Variants in QRSL1 observed in about 807,000 individuals in gnomAD.
QRSL1 encodes glutaminyl-tRNA amidotransferase subunit QRSL1.
In QRSL1, 54 loss-of-function variants were observed where a neutral mutation model predicts 61.6. That is an observed-to-expected ratio of 0.88 (90% CI 0.70 to 1.10). QRSL1 has a LOEUF of 1.10. QRSL1 is among the 50% of genes least tolerant of loss of function. The pLI is 0.00. For missense variants in QRSL1, 505 were observed against 622.6 expected, an observed-to-expected ratio of 0.81 and a Z score of 2.01; for synonymous variants, 228 against 225.7, an observed-to-expected ratio of 1.01 and a Z score of -0.09.
chr6:106,633,365 AG>A (rs1235081147), intron 1 of QRSL1, among the ~76,000 whole-genome samples: 1 of 152,222 alleles, frequency 6.6e-6, no homozygotes, highest in Non-Finnish European at 1.5e-5. Context: ...ATGCCTGGGA[AG>A]GTTGAACAAT....
chr6:106,643,324 G>A (rs9400040), intron 4 of QRSL1, among the ~76,000 whole-genome samples: 80,076 of 151,960 alleles, frequency 0.53, 21,568 homozygotes, highest in Non-Finnish European at 0.57. Flanking sequence ...CCATCCCTAT[G>A]TCTTCATCAG....
At chr6:106,657,663 A>G (rs1282617376) in intron 9 of QRSL1, among the ~76,000 whole-genome samples, 3 of 152,208 alleles carry the variant, frequency 2.0e-5, no homozygotes, top group African/African-American at 7.2e-5. Flanking sequence ...GGGATTCGGA[A>G]TACTTTTTTT....
chr6:106,656,685 C>A (rs1777277091), intron 9 of QRSL1, among the ~76,000 whole-genome samples: 1 of 152,212 alleles, frequency 6.6e-6, no homozygotes, highest in Non-Finnish European at 1.5e-5. Flanking sequence ...GAGACAGGGT[C>A]TCACTCTGTC....
rs1011153775 is a variant in QRSL1 at position 106,667,381 on chromosome 6, A to T, written c.*1379A>T. Reference sequence around the variant, plus strand: ...TATTTGACAAAATCTAATGGAAACCATCCATTTACTCATGATAAGGCTTCA... The same window carrying T: ...TATTTGACAAAATCTAATGGAAACCTTCCATTTACTCATGATAAGGCTTCA... On this transcript the variant is annotated 3_prime_UTR_variant, in exon 11 of 11. Transcript: ENST00000369046. 6 of 152,212 alleles carry T rather than the reference A, an allele frequency of 3.9e-5. No individual in the cohort carries two copies. Among genetic ancestry groups the T allele is most frequent in the Admixed American group, 1.3e-4 (2 of 15,286 alleles). The allele number at this position is 152,212 out of a possible 1,614,324, so 9.4% of individuals were successfully genotyped here.
chr6:106,647,141 A>T (rs1360046670), intron 4 of QRSL1, among the ~76,000 whole-genome samples: 1 of 152,112 alleles, frequency 6.6e-6, no homozygotes, highest in African/African-American at 2.4e-5. Flanking sequence ...GACTGAGAGA[A>T]AAATATTTGC....
chr6:106,637,238 T>C (rs930580068), intron 1 of QRSL1, among the ~76,000 whole-genome samples: 1 of 152,124 alleles, frequency 6.6e-6, no homozygotes, highest in Non-Finnish European at 1.5e-5. Context: ...AGTTGACATT[T>C]TGGAGATCAA....
chr6:106,643,091 G>T lies in QRSL1; in HGVS notation c.380+1G>T. 4.4e-6 allele frequency: 7 copies of T among 1,582,006 alleles called. No individual in the cohort carries two copies. The highest frequency in any genetic ancestry group is 4.3e-6 in the Non-Finnish European group (5 of 1,157,104). ...CAAATTTAGATGAGTTTGCTATGGG[G>T]TAAGTAAAATTGAAATCTTCTCTTG... On this transcript the variant is annotated splice_donor_variant, in intron 4 of 10. Transcript: ENST00000369046. LOFTEE classifies it high-confidence loss of function.
chr6:106,636,294 C>T (rs1167073560), intron 1 of QRSL1, among the ~76,000 whole-genome samples: 1 of 151,356 alleles, frequency 6.6e-6, no homozygotes, highest in Non-Finnish European at 1.5e-5. Flanking sequence ...AAGATGAGTC[C>T]TCGGTTGAAT....
intron 1 of QRSL1, among the ~76,000 whole-genome samples, chr6:106,631,313 A>G (rs1776826352): frequency 6.6e-6 from 1 of 152,212 alleles, no homozygotes; most frequent in South Asian, 2.1e-4. Flanking sequence ...AAAATATGTT[A>G]TTTCCTTTTT....
At chr6:106,642,862 CTG>C (rs1309245130) in intron 3 of QRSL1, 130 bp from the exon 4 acceptor site, 1 of 786,178 alleles carries the variant, frequency 1.3e-6, no homozygotes, top group Non-Finnish European at 2.3e-6. Flanking sequence ...GAGAAGCGCA[CTG>C]TGTGAGAACC....
At chr6:106,647,178 T>C (rs1777121931) in intron 4 of QRSL1, among the ~76,000 whole-genome samples, 5 of 151,332 alleles carry the variant, frequency 3.3e-5, no homozygotes, top group Admixed American at 2.6e-4. Context: ...AAAGAACCGA[T>C]ATCCAAAATA....
At chr6:106,631,740 A>G (rs978470645) in intron 1 of QRSL1, among the ~76,000 whole-genome samples, 1 of 152,250 alleles carries the variant, frequency 6.6e-6, no homozygotes, top group South Asian at 2.1e-4. Context: ...CAGGCATACA[A>G]TGCATAATAA....
intron 1 of QRSL1, among the ~76,000 whole-genome samples, chr6:106,631,399 T>C (rs1279103019): frequency 6.6e-6 from 1 of 152,150 alleles, no homozygotes; most frequent in Non-Finnish European, 1.5e-5. Flanking sequence ...AGCAATGCAA[T>C]GGGAATATGT....
At chr6:106,662,790 T>A (rs575774651) in intron 9 of QRSL1, among the ~76,000 whole-genome samples, 190 bp from the exon 10 acceptor site, 1 of 152,208 alleles carries the variant, frequency 6.6e-6, no homozygotes, top group South Asian at 2.1e-4. Flanking sequence ...AGAAAAACAC[T>A]CCTCTCTCAT....
Position 106,666,741 on chromosome 6 carries a change from G to T in QRSL1, c.*739G>T, listed in dbSNP as rs1270136237. 6.6e-6 allele frequency: 1 copy of T among 152,274 alleles called. No individual in the cohort carries two copies. Among genetic ancestry groups the T allele is most frequent in the Non-Finnish European group, 1.5e-5 (1 of 68,118 alleles). The allele number at this position is 152,274 out of a possible 1,614,324, so 9.4% of individuals were successfully genotyped here. Reference sequence around the variant, plus strand: ...GGCCGCCTCAGGGGTTGTTAAAAATGCACAGAAACAATTGAGTGCGATTAT... The same window carrying T: ...GGCCGCCTCAGGGGTTGTTAAAAATTCACAGAAACAATTGAGTGCGATTAT... On this transcript the variant is annotated 3_prime_UTR_variant, in exon 11 of 11. Transcript: ENST00000369046.
At chr6:106,639,116 G>GGTTTTTT (rs1192526609) in intron 1 of QRSL1, among the ~76,000 whole-genome samples, 19 of 54,358 alleles carry the variant, frequency 3.5e-4, no homozygotes, top group African/African-American at 1.2e-3. Flanking sequence ...TGTGTGTTTT[G>GGTTTTTT]TTGTTTTTTT....
Position 106,668,179 on chromosome 6 carries a change from G to A in QRSL1, c.*2177G>A, listed in dbSNP as rs1160298677. On this transcript the variant is annotated 3_prime_UTR_variant, in exon 11 of 11. Coordinates refer to ENST00000369046, the MANE Select transcript of QRSL1 (RefSeq NM_018292.5). ...AAATAATATTAAATCTCTTGTTCCTGTATCTCTACATGAGCTGCACTAATA... is the reference window on the plus strand; with the variant it reads ...AAATAATATTAAATCTCTTGTTCCTATATCTCTACATGAGCTGCACTAATA... 6.6e-6 allele frequency: 1 copy of A among 151,988 alleles called. No homozygotes were observed. The highest frequency in any genetic ancestry group is 2.4e-5 in the African/African-American group (1 of 41,370). The allele number at this position is 151,988 out of a possible 1,614,324, so 9.4% of individuals were successfully genotyped here.
chr6:106,640,491 A>T lies in QRSL1; in HGVS notation c.167A>T (p.Glu56Val). The stretch of plus-strand genomic sequence containing the variant: ...GCCTTAAAACAAGCTGAAGAATCAG[A>T]AAAGAGATATAAGAATGGTAAATTG... The part of the protein sequence containing the change: ...EVALKQAEES[E>V]KRYKNGQSLG... The change falls in exon 2 of 11, where the codon GAA becomes GTA. Residue 56 changes from glutamate to valine, a missense_variant. Coordinates refer to ENST00000369046, the MANE Select transcript of QRSL1 (RefSeq NM_018292.5). The T allele has an allele frequency of 5.1e-6, 8 of 1,581,190 alleles. No homozygotes were observed. Among genetic ancestry groups the T allele is most frequent in the Non-Finnish European group, 6.8e-6 (8 of 1,168,858 alleles).
chr6:106,635,645 C>T (rs550567274), intron 1 of QRSL1, among the ~76,000 whole-genome samples: 8 of 152,206 alleles, frequency 5.3e-5, no homozygotes, highest in African/African-American at 1.9e-4. Flanking sequence ...AAGGCTGAGG[C>T]GGGCAGATCA....
Sources: gnomAD v4.1 joint callset for allele counts (sites outside exome capture counted in the v4.1 genomes callset) on GRCh38, gnomAD v4.1.1 for gene constraint, MANE v1.5 for transcripts, NCBI Gene and HGNC (gene_info 2026-07-23, HGNC 2026-07-21) for gene names.